Variants in WDPCP observed in about 807,000 individuals in gnomAD.
The protein encoded by WDPCP is WD repeat-containing and planar cell polarity effector protein fritz homolog.
WDPCP carries 71 observed loss-of-function variants against 93.1 expected under a neutral mutation model. The observed-to-expected ratio is 0.76, with a 90% CI of 0.63 to 0.93. WDPCP has a LOEUF of 0.93. WDPCP is among the 40% of genes least tolerant of loss of function. WDPCP has a pLI of 0.00. For missense variants in WDPCP, 844 were observed against 887.4 expected (o/e 0.95, Z 0.62); for synonymous variants, 315 against 315.0 (o/e 1.00, Z 0.00).
rs201638887 is a variant in WDPCP, at chr2:63,216,034, G to A, written c.1916-41202C>T. 5.2e-4 allele frequency among the ~76,000 whole-genome samples: 79 copies of A among 152,218 alleles called. No individual in the cohort carries two copies. In the East Asian group the frequency reaches 7.1e-3, roughly 14 times the overall value. Reference sequence around the variant, plus strand: ...ACCATCTCACACCAGTTAGAATGGCGATCATTAAAAAGTCAGGAAACAACA... The same window carrying A: ...ACCATCTCACACCAGTTAGAATGGCAATCATTAAAAAGTCAGGAAACAACA... On this transcript the variant is annotated intron_variant, in intron 14 of 17. Transcript: ENST00000272321.
intron 2 of WDPCP, among the ~76,000 whole-genome samples, chr2:63,714,287 C>G (rs563199025): frequency 2.6e-5 from 4 of 151,916 alleles, no homozygotes; most frequent in Non-Finnish European, 5.9e-5. Context: ...AGGCTGGTCT[C>G]GAACTCCTGA....
intron 6 of WDPCP, among the ~76,000 whole-genome samples, chr2:63,472,393 A>T (rs1699744856): frequency 6.6e-6 from 1 of 151,770 alleles, no homozygotes; most frequent in Non-Finnish European, 1.5e-5. Flanking sequence ...TTAGTTAGAT[A>T]TTACATCTTT....
intron 3 of WDPCP, among the ~76,000 whole-genome samples, chr2:63,627,503 C>CT (rs1412136832): frequency 3.3e-5 from 5 of 152,230 alleles, no homozygotes; most frequent in African/African-American, 9.6e-5. Context: ...CGTTTTACCA[C>CT]TCCAACGTTG....
chr2:63,613,762 C>T (rs1171196218), intron 3 of WDPCP, among the ~76,000 whole-genome samples: 1 of 152,158 alleles, frequency 6.6e-6, no homozygotes, highest in African/African-American at 2.4e-5. Context: ...GGCTAAGAAC[C>T]GAGGAGTTTC....
At chr2:63,146,725 G>A (rs1408385831) in intron 17 of WDPCP, among the ~76,000 whole-genome samples, 2 of 152,124 alleles carry the variant, frequency 1.3e-5, no homozygotes, top group Non-Finnish European at 2.9e-5. Flanking sequence ...CTAAAGAGGC[G>A]AAGTGTATGG....
intron 14 of WDPCP, among the ~76,000 whole-genome samples, chr2:63,217,786 T>C (rs913151391): frequency 5.3e-5 from 8 of 152,146 alleles, no homozygotes; most frequent in Non-Finnish European, 1.2e-4. Flanking sequence ...ACTTCAAAAC[T>C]AGTTTGGGCT....
Position 63,396,925 on chromosome 2 carries a change from C to T in WDPCP, c.1435+7123G>A, listed in dbSNP as rs752952169. Among the ~76,000 whole-genome samples, 10 of 152,128 alleles carry T rather than the reference C, an allele frequency of 6.6e-5. No individual in the cohort carries two copies. In the South Asian group the frequency reaches 1.2e-3, roughly 19 times the overall value. On this transcript the variant is annotated intron_variant, in intron 10 of 17. Transcript: ENST00000272321. Reference sequence around the variant, plus strand: ...GTAAGAACATGTGGTATTTGGTTTTCGTTCCTGCATTTGTTTGCTAAGTAT... The same window carrying T: ...GTAAGAACATGTGGTATTTGGTTTTTGTTCCTGCATTTGTTTGCTAAGTAT...
intron 14 of WDPCP, among the ~76,000 whole-genome samples, chr2:63,180,043 A>C (rs1295642022): frequency 6.6e-6 from 1 of 152,134 alleles, no homozygotes; most frequent in Non-Finnish European, 1.5e-5. Flanking sequence ...ATCTTAAGTG[A>C]AATAACTCAG....
At chr2:63,604,786 C>T in intron 3 of WDPCP, 1 of 1,614,124 alleles carries the variant, frequency 6.2e-7, no homozygotes, top group Non-Finnish European at 8.5e-7. Context: ...AGATGTCAAC[C>T]ATGCCAAGGT....
chr2:63,562,957 G>A (rs1575655346), intron 1 of WDPCP, among the ~76,000 whole-genome samples: 1 of 152,096 alleles, frequency 6.6e-6, no homozygotes, highest in East Asian at 1.9e-4. Flanking sequence ...ATAGAGATGT[G>A]GACACTAGTG....
At chr2:63,650,313 G>C (rs556822619) in intron 3 of WDPCP, among the ~76,000 whole-genome samples, 2 of 152,306 alleles carry the variant, frequency 1.3e-5, no homozygotes, top group East Asian at 3.9e-4. Context: ...GGTATTTCTA[G>C]CAAGTTCCCC....
chr2:63,547,409 C>T (rs566189167), intron 1 of WDPCP, among the ~76,000 whole-genome samples: 1 of 152,086 alleles, frequency 6.6e-6, no homozygotes, highest in Admixed American at 6.6e-5. Context: ...TCCACTACTG[C>T]GTAAATATCC....
chr2:63,305,868 A>C (rs1295122391), intron 13 of WDPCP, among the ~76,000 whole-genome samples: 3 of 152,196 alleles, frequency 2.0e-5, no homozygotes, highest in African/African-American at 7.2e-5. Flanking sequence ...AAATGACCTG[A>C]TGGAGATGAA....
At chr2:63,322,645 A>T (rs1020963244) in intron 12 of WDPCP, among the ~76,000 whole-genome samples, 1 of 152,068 alleles carries the variant, frequency 6.6e-6, no homozygotes, top group Non-Finnish European at 1.5e-5. Context: ...ATGTCTGAAC[A>T]TCAGAAGGAA....
intron 1 of WDPCP, among the ~76,000 whole-genome samples, chr2:63,565,236 T>C (rs1706951247): frequency 1.3e-5 from 2 of 152,234 alleles, no homozygotes; most frequent in Admixed American, 1.3e-4. Flanking sequence ...GCTTGCAGGA[T>C]ATTGTTTTAA....
intron 2 of WDPCP, chr2:63,684,455 C>T (rs902314109): frequency 3.3e-5 from 27 of 816,984 alleles, no homozygotes; most frequent in Admixed American, 5.2e-5. Context: ...CTGCTACCCC[C>T]GCAAAGTGAT....
chr2:63,484,811 G>A (rs1700468022), intron 5 of WDPCP, 106 bp downstream of exon 5: 5 of 1,488,638 alleles, frequency 3.4e-6, no homozygotes, highest in African/African-American at 1.4e-5. Context: ...CAAAAGCAAA[G>A]CTATCATCAC....
chr2:63,190,148 C>T (rs1254252291), intron 14 of WDPCP, among the ~76,000 whole-genome samples: 1 of 152,014 alleles, frequency 6.6e-6, no homozygotes, highest in Non-Finnish European at 1.5e-5. Context: ...AGAGAAGAGG[C>T]CGGGTGCTGT....
the WDPCP span, among the ~76,000 whole-genome samples, chr2:63,835,094 A>G: frequency 2.0e-5 from 3 of 152,092 alleles, no homozygotes; most frequent in Non-Finnish European, 4.4e-5. Flanking sequence ...GCAATTTAAA[A>G]TGGCACCAGA....
Sources: allele counts gnomAD v4.1 joint callset (sites outside exome capture counted in the v4.1 genomes callset), GRCh38; gene constraint gnomAD v4.1.1; transcripts MANE v1.5; gene names NCBI Gene and HGNC (gene_info 2026-07-23, HGNC 2026-07-21).